Variants in CSMD1 observed in about 807,000 individuals in gnomAD.
CSMD1 encodes CUB and sushi domain-containing protein 1.
Under a neutral mutation model 417.5 loss-of-function variants are expected in CSMD1, and 213 were observed. That is an observed-to-expected ratio of 0.51 (90% CI 0.46 to 0.57). The LOEUF is 0.57. CSMD1 is among the 20% of genes least tolerant of loss of function. The pLI is 0.00. For synonymous variants in CSMD1, 2,862 were observed against 1,736.8 expected, an observed-to-expected ratio of 1.65 and a Z score of -16.11; for missense variants, 6,923 against 4,529.7, an observed-to-expected ratio of 1.53 and a Z score of -15.17.
chr8:3,194,846 C>A (rs1240300211), intron 33 of CSMD1, among the ~76,000 whole-genome samples: 1 of 152,022 alleles, frequency 6.6e-6, no homozygotes, highest in Non-Finnish European at 1.5e-5. Context: ...AAGCCTTGAG[C>A]TCCTGAGCCT....
chr8:3,248,462 G>C (rs1363101412), intron 26 of CSMD1, among the ~76,000 whole-genome samples: 1 of 150,548 alleles, frequency 6.6e-6, no homozygotes, highest in Admixed American at 6.7e-5. Context: ...CAGACAACAG[G>C]GAAAATCCAG....
intron 3 of CSMD1, among the ~76,000 whole-genome samples, chr8:4,279,232 G>A (rs557477316): frequency 2.6e-5 from 4 of 151,960 alleles, no homozygotes; most frequent in South Asian, 2.1e-4. Flanking sequence ...TTAAGCAGTC[G>A]ATGGCACAAG....
At chr8:4,951,044 G>A (rs762624275) in intron 1 of CSMD1, among the ~76,000 whole-genome samples, 1 of 151,964 alleles carries the variant, frequency 6.6e-6, no homozygotes, top group Non-Finnish European at 1.5e-5. Flanking sequence ...TAACCCCCAA[G>A]AAGTAGCTTC....
chr8:2,951,587 T>C (rs1802639634), intron 65 of CSMD1, among the ~76,000 whole-genome samples: 1 of 152,190 alleles, frequency 6.6e-6, no homozygotes, highest in South Asian at 2.1e-4. Context: ...GTACTTCTAA[T>C]GCTAGTTTAG....
At chr8:4,610,870 T>C (rs1455615796) in intron 2 of CSMD1, among the ~76,000 whole-genome samples, 3 of 152,164 alleles carry the variant, frequency 2.0e-5, no homozygotes, top group East Asian at 3.9e-4. Flanking sequence ...ACGATTTCGT[T>C]TTTGAATCAT....
rs764411610 is a variant in CSMD1, at chr8:3,753,932, T to C, written c.929A>G (p.Gln310Arg). ...HRRKGFNAQF[Q>R]VKKAIELKSR... The stretch of plus-strand genomic sequence containing the variant: ...CTTATAAGATGGAGCATCCTTACCT[T>C]GGAACTGAGCGTTAAATCCTTTGCG... Residue 310 changes from glutamine (Q) to arginine (R), a missense_variant and splice_region_variant, in exon 6 of 70, where the codon CAA becomes CGA. Coordinates refer to ENST00000635120, the MANE Select transcript of CSMD1 (RefSeq NM_033225.6). The C allele has an allele frequency of 1.2e-6, 2 of 1,606,272 alleles. No individual in the cohort carries two copies. Among genetic ancestry groups the C allele is most frequent in the Non-Finnish European group, 8.5e-7 (1 of 1,173,286 alleles).
intron 10 of CSMD1, among the ~76,000 whole-genome samples, chr8:3,563,136 C>A (rs1799541401): frequency 6.6e-6 from 1 of 151,736 alleles, no homozygotes. Context: ...ATTTCTTCCC[C>A]CTATTTCATT....
Position 4,626,061 on chromosome 8 carries a change from G to C in CSMD1, c.302+11281C>G, listed in dbSNP as rs1406191634. On this transcript the variant is annotated intron_variant, in intron 2 of 69. Coordinates refer to ENST00000635120, the MANE Select transcript of CSMD1 (RefSeq NM_033225.6). ...TTTTTGATGGGACTATCACGGACTT[G>C]TAAGAACTGACATTACAATTGGAGA... 3.3e-5 allele frequency among the ~76,000 whole-genome samples: 5 copies of C among 152,236 alleles called. No homozygotes were observed. In the East Asian group the frequency reaches 7.7e-4, roughly 24 times the overall value.
intron 3 of CSMD1, among the ~76,000 whole-genome samples, chr8:4,308,920 A>G (rs1189603144): frequency 6.6e-6 from 1 of 152,174 alleles, no homozygotes; most frequent in Non-Finnish European, 1.5e-5. Context: ...TCAAAGGTCC[A>G]TTTATTTCTC....
chr8:3,590,211 G>T (rs899914411), intron 8 of CSMD1, among the ~76,000 whole-genome samples: 1 of 152,026 alleles, frequency 6.6e-6, no homozygotes, highest in African/African-American at 2.4e-5. Context: ...AGGAAGATAG[G>T]CACAACCCAT....
chr8:3,703,150 G>A (rs1316575410), intron 7 of CSMD1, among the ~76,000 whole-genome samples: 1 of 152,124 alleles, frequency 6.6e-6, no homozygotes, highest in Non-Finnish European at 1.5e-5. Flanking sequence ...TGGTGAAAAA[G>A]GAAATTCTAA....
At chr8:4,004,742 T>TTTTTG (rs943318973) in intron 4 of CSMD1, among the ~76,000 whole-genome samples, 3 of 152,130 alleles carry the variant, frequency 2.0e-5, no homozygotes, top group Admixed American at 6.6e-5. Context: ...CTTTATTCTT[T>TTTTTG]TTTTGTTTTG....
rs951002450 is a variant in CSMD1, at chr8:3,879,438, T to C, written c.818+118465A>G. ...TGGAGGAAATGAATCAGTCCGGTCA[T>C]TGAGAACAATGTCCCAGGTTTTTGC... On this transcript the variant is annotated intron_variant, in intron 5 of 69. Coordinates refer to ENST00000635120, the MANE Select transcript of CSMD1 (RefSeq NM_033225.6). Among the ~76,000 whole-genome samples the C allele has an allele frequency of 7.2e-5, 11 of 152,170 alleles. 1 individual carries two copies. Among genetic ancestry groups the C allele is most frequent in the South Asian group, 2.1e-4 (1 of 4,818 alleles).
chr8:3,231,742 C>T (rs1349477747), intron 26 of CSMD1, among the ~76,000 whole-genome samples: 2 of 152,098 alleles, frequency 1.3e-5, no homozygotes, highest in Non-Finnish European at 2.9e-5. Context: ...CATCAAGGAT[C>T]CTATAGTTGG....
chr8:3,440,209 T>C (rs1814881780), intron 12 of CSMD1, among the ~76,000 whole-genome samples: 1 of 116,480 alleles, frequency 8.6e-6, no homozygotes, highest in Non-Finnish European at 1.9e-5. Flanking sequence ...GAGATTCTTA[T>C]AACAGGTGCA....
intron 3 of CSMD1, among the ~76,000 whole-genome samples, chr8:4,181,046 TAA>T (rs766322682): frequency 6.6e-5 from 10 of 152,016 alleles, no homozygotes; most frequent in Non-Finnish European, 1.5e-4. Context: ...TGCAAAAAAC[TAA>T]AGAGTCTCCA....
chr8:4,752,151 T>C (rs1811373292), intron 1 of CSMD1, among the ~76,000 whole-genome samples: 1 of 152,140 alleles, frequency 6.6e-6, no homozygotes, highest in Non-Finnish European at 1.5e-5. Flanking sequence ...TCTCAGTTGC[T>C]CTTTAGTTCC....
intron 5 of CSMD1, among the ~76,000 whole-genome samples, chr8:3,839,477 ATAT>A (rs1802967024): frequency 8.0e-6 from 1 of 124,458 alleles, no homozygotes; most frequent in Admixed American, 1.0e-4. Flanking sequence ...TTATATAATT[ATAT>A]TATATATTTA....
At position 3,197,392 on chromosome 8, in the gene CSMD1, T is replaced by G. The variant is rs562929823; in HGVS notation, c.5194+2322A>C. ...TGCAATTTGAAGCTGAATTTGTTTA[T>G]GAATGAATGAAGCTGTAATGGTGTA... On this transcript the variant is annotated intron_variant, in intron 33 of 69. Coordinates refer to ENST00000635120, the MANE Select transcript of CSMD1 (RefSeq NM_033225.6). 1.9e-4 allele frequency among the ~76,000 whole-genome samples: 28 copies of G among 150,852 alleles called. No homozygotes were observed. In the South Asian group the frequency reaches 5.9e-3, roughly 32 times the overall value.
Sources: allele counts gnomAD v4.1 joint callset (sites outside exome capture counted in the v4.1 genomes callset), GRCh38; gene constraint gnomAD v4.1.1; transcripts MANE v1.5; gene names NCBI Gene and HGNC (gene_info 2026-07-23, HGNC 2026-07-21).